The following CPSF2 variants were observed in gnomAD, a reference collection of about 807,000 sequenced individuals.
CPSF2 encodes the protein cleavage and polyadenylation specific factor 2, also known as cleavage and polyadenylation specificity factor subunit 2.
CPSF2 carries 51 observed loss-of-function variants against 84.2 expected under a neutral mutation model. That is an observed-to-expected ratio of 0.61 (90% confidence interval 0.48 to 0.77). CPSF2 has a LOEUF of 0.77. Ranked by LOEUF, CPSF2 falls within the 30% of genes least tolerant of loss-of-function variation. CPSF2 has a pLI of 0.00. For missense variants in CPSF2, 641 were observed against 929.4 expected, an observed-to-expected ratio of 0.69 and a Z score of 4.03; for synonymous variants, 286 against 311.9, an observed-to-expected ratio of 0.92 and a Z score of 0.87.
rs549457136 is a variant in CPSF2 at position 92,153,835 on chromosome 14, G to A, written c.1141-523G>A. ...CTTCCACTTTAACCACCTGAGTAGC[G>A]GGGACAACAGGCACATGCCACCACT... On this transcript the variant is annotated intron_variant, in intron 9 of 15. Coordinates refer to ENST00000298875, the MANE Select transcript of CPSF2 (RefSeq NM_017437.3). Among the ~76,000 whole-genome samples, 9 of 150,860 alleles carry A rather than the reference G, an allele frequency of 6.0e-5. No individual in the cohort carries two copies. In the South Asian group the frequency reaches 1.3e-3, roughly 21 times the overall value.
intron 11 of CPSF2, among the ~76,000 whole-genome samples, chr14:92,155,916 A>G (rs1461022123): frequency 6.6e-6 from 1 of 152,220 alleles, no homozygotes; most frequent in Non-Finnish European, 1.5e-5. Context: ...TATACTGACT[A>G]TTAGAAAAAC....
intron 3 of CPSF2, among the ~76,000 whole-genome samples, chr14:92,133,112 A>G (rs958222473): frequency 2.0e-5 from 3 of 150,002 alleles, no homozygotes; most frequent in Non-Finnish European, 1.5e-5. Flanking sequence ...AATAGTATGC[A>G]GGATAGCTAT....
intron 9 of CPSF2, among the ~76,000 whole-genome samples, chr14:92,148,130 C>T (rs1438051930): frequency 6.6e-6 from 1 of 152,094 alleles, no homozygotes; most frequent in African/African-American, 2.4e-5. Flanking sequence ...ACTGGGCAGC[C>T]CCTGAACTAG....
chr14:92,159,433 G>T, intron 14 of CPSF2, 151 bp downstream of exon 14: 2 of 637,338 alleles, frequency 3.1e-6, no homozygotes, highest in Non-Finnish European at 5.3e-6. Context: ...TCAGCTGGGG[G>T]CAGTGACTCA....
In CPSF2 at chr14:92,157,929, T is replaced by C; in HGVS notation, c.1821+45T>C. 7.4e-7 allele frequency: 1 copy of C among 1,345,898 alleles called. No homozygotes were observed. The highest frequency in any genetic ancestry group is 1.1e-6 in the Non-Finnish European group (1 of 936,972). 83.4% of individuals were successfully genotyped at this position (1,345,898 alleles called of 1,614,324 possible). A position where few individuals can be genotyped will look rare whatever the true frequency, so the allele number is the denominator to read the frequency against. The stretch of plus-strand genomic sequence containing the variant: ...CCATTGAGTAGAAATAAGTACTTTT[T>C]GTTGCAGGTTAGGACAGATAACATT... On this transcript the variant is annotated intron_variant, in intron 13 of 15. Transcript: ENST00000298875. This position sits in a 1 kb window ranked among gnomAD's most constrained non-coding sequence, Gnocchi z 4.0.
At chr14:92,160,979 A>G in intron 14 of CPSF2, 133 bp from the exon 15 acceptor site, 1 of 792,640 alleles carries the variant, frequency 1.3e-6, no homozygotes, top group Non-Finnish European at 2.0e-6. Flanking sequence ...ACAGTCTTGA[A>G]ATGATCTGTC....
intron 14 of CPSF2, among the ~76,000 whole-genome samples, chr14:92,160,506 T>C (rs2069357865): frequency 6.6e-6 from 1 of 152,222 alleles, no homozygotes; most frequent in Non-Finnish European, 1.5e-5. Flanking sequence ...AGACAGCCTC[T>C]GTTGTTGGAT....
At chr14:92,146,400 A>G (rs1038179951) in intron 9 of CPSF2, among the ~76,000 whole-genome samples, 1 of 152,176 alleles carries the variant, frequency 6.6e-6, no homozygotes, top group African/African-American at 2.4e-5. Context: ...GGGCGCCTGT[A>G]ATCCCAGCTA....
rs1203800513 is a variant in CPSF2 at position 92,163,728 on chromosome 14, T to G, written c.*1984T>G. On this transcript the variant is annotated 3_prime_UTR_variant, in exon 16 of 16. Coordinates refer to ENST00000298875, the MANE Select transcript of CPSF2 (RefSeq NM_017437.3). ...GAGATCTGATGGGTGTTTTTTTTTG[T>G]TTTGTTTTTTGTTTTTTGAGATGGA... The G allele has an allele frequency of 6.6e-6, 1 of 152,134 alleles. No individual in the cohort carries two copies. Among genetic ancestry groups the G allele is most frequent in the Admixed American group, 6.6e-5 (1 of 15,222 alleles). 9.4% of individuals were successfully genotyped at this position (152,134 alleles called of 1,614,324 possible).
intron 3 of CPSF2, among the ~76,000 whole-genome samples, chr14:92,133,440 C>CTTG (rs2068959962): frequency 9.7e-6 from 1 of 103,456 alleles, no homozygotes; most frequent in African/African-American, 4.7e-5. Flanking sequence ...AATCAAGTTA[C>CTTG]TTGTGTCTAC....
intron 7 of CPSF2, among the ~76,000 whole-genome samples, chr14:92,138,804 C>G (rs1231500569): frequency 6.6e-6 from 1 of 152,098 alleles, no homozygotes; most frequent in Admixed American, 6.5e-5. Context: ...TCTCCAGAAT[C>G]GTGAATGTTG....
At chr14:92,126,583 G>A (rs1301732760) in intron 2 of CPSF2, among the ~76,000 whole-genome samples, 1 of 152,158 alleles carries the variant, frequency 6.6e-6, no homozygotes, top group Non-Finnish European at 1.5e-5. Context: ...GGCCAAGGTG[G>A]GTGGATCACT....
chr14:92,152,341 C>A (rs1444712758), intron 9 of CPSF2, among the ~76,000 whole-genome samples: 1 of 151,978 alleles, frequency 6.6e-6, no homozygotes, highest in African/African-American at 2.4e-5. Context: ...ATTGATCAGG[C>A]TTGTCTCGAA....
Position 92,171,941 on chromosome 14 carries a change from A to G in CPSF2, c.*10197A>G, listed in dbSNP as rs1003648986. On this transcript the variant is annotated 3_prime_UTR_variant, in exon 16 of 16. Transcript: ENST00000298875. ...ACCACGTGGCTGGCTCCTTTGCTCCATCTCTGCCCCTCACCCCCTACCGTA... is the reference window on the plus strand; with the variant it reads ...ACCACGTGGCTGGCTCCTTTGCTCCGTCTCTGCCCCTCACCCCCTACCGTA... 3 of 152,562 alleles carry G rather than the reference A, an allele frequency of 2.0e-5. No individual in the cohort carries two copies. Among genetic ancestry groups the G allele is most frequent in the African/African-American group, 7.2e-5 (3 of 41,548 alleles). The allele number at this position is 152,562 out of a possible 1,614,324, so 9.5% of individuals were successfully genotyped here.
rs762425121 is a variant in CPSF2 at position 92,145,997 on chromosome 14, G to C, written c.1140+2703G>C. On this transcript the variant is annotated intron_variant, in intron 9 of 15. Coordinates refer to ENST00000298875, the MANE Select transcript of CPSF2 (RefSeq NM_017437.3). The stretch of plus-strand genomic sequence containing the variant: ...TTATTCTTCCCCTACTCCCAATACT[G>C]TTCTGTCTTATCTCAGACAGCACTT... Among the ~76,000 whole-genome samples the C allele has an allele frequency of 3.3e-5, 5 of 151,970 alleles. No individual in the cohort carries two copies. The South Asian group carries it at 8.3e-4, about 25-fold the overall frequency.
At position 92,121,972 on chromosome 14, in the gene CPSF2, A is replaced by T; in HGVS notation, c.-250A>T. On this transcript the variant is annotated 5_prime_UTR_variant, in exon 1 of 16. Coordinates refer to ENST00000298875, the MANE Select transcript of CPSF2 (RefSeq NM_017437.3). ...CTGGTTCCTCCTCGTCTCCGCCGCT[A>T]GTCTCCAGCTCCAAAATGGCGGCTG... 1 of 787,966 alleles carries T rather than the reference A, an allele frequency of 1.3e-6. No individual in the cohort carries two copies. Among genetic ancestry groups the T allele is most frequent in the South Asian group, 1.6e-5 (1 of 60,616 alleles). The allele number at this position is 787,966 out of a possible 1,614,324, so 48.8% of individuals were successfully genotyped here. A position where few individuals can be genotyped will look rare whatever the true frequency, so the allele number is the denominator to read the frequency against.
intron 7 of CPSF2, among the ~76,000 whole-genome samples, chr14:92,139,295 T>C (rs900474785): frequency 3.3e-5 from 5 of 151,702 alleles, no homozygotes; most frequent in African/African-American, 1.2e-4. Flanking sequence ...CGGGTGCATG[T>C]AATCCCAGCT....
In CPSF2 at chr14:92,157,744, T is replaced by G. The variant is rs1397924171; in HGVS notation, c.1681T>G (p.Leu561Val). The change falls in exon 13 of 16, where the codon TTG becomes GTG. Residue 561 changes from leucine to valine, a missense_variant. Transcript: ENST00000298875. The surrounding 1 kb of genome is among the most constrained non-coding windows in gnomAD (Gnocchi z 4.0). Reference protein sequence around the residue: ...KIINQMKPRQLIIVHGPPEAS... With the variant: ...KIINQMKPRQVIIVHGPPEAS... The stretch of plus-strand genomic sequence containing the variant: ...CATTAATCAGATGAAACCACGACAG[T>G]TGATCATCGTCCATGGCCCACCAGA... 27 of 1,614,074 alleles carry G rather than the reference T, an allele frequency of 1.7e-5. No homozygotes were observed. The highest frequency in any genetic ancestry group is 2.1e-5 in the Non-Finnish European group (25 of 1,179,976).
chr14:92,161,337 C>T lies in CPSF2; in HGVS notation c.2256+91C>T, dbSNP rs1285690620. The T allele has an allele frequency of 2.8e-6, 4 of 1,416,750 alleles. 1 individual carries two copies. Among genetic ancestry groups the T allele is most frequent in the Middle Eastern group, 3.7e-4 (2 of 5,436 alleles). 87.8% of individuals were successfully genotyped at this position (1,416,750 alleles called of 1,614,324 possible). A position where few individuals can be genotyped will look rare whatever the true frequency, so the allele number is the denominator to read the frequency against. On this transcript the variant is annotated intron_variant, in intron 15 of 15. Transcript: ENST00000298875. The stretch of plus-strand genomic sequence containing the variant: ...CTGTAATTCTTGTTTGGTATTTTCA[C>T]AAAACTGAAGATCAGTAATTTATAT...
Sources: gnomAD v4.1 joint callset for allele counts (sites outside exome capture counted in the v4.1 genomes callset) on GRCh38, gnomAD v4.1.1 for gene constraint, Gnocchi (gnomAD v3.1) non-coding constraint, MANE v1.5 for transcripts, NCBI Gene and HGNC (gene_info 2026-07-23, HGNC 2026-07-21) for gene names.